Variants in CSMD1 observed in about 807,000 individuals in gnomAD.
CSMD1 encodes CUB and sushi domain-containing protein 1.
Under a neutral mutation model 417.5 loss-of-function variants are expected in CSMD1, and 213 were observed. The ratio of observed to expected loss-of-function variants is 0.51; its 90% CI spans 0.46 to 0.57. The LOEUF is 0.57. CSMD1 is among the 20% of genes least tolerant of loss of function. The pLI, the probability that CSMD1 is intolerant of heterozygous loss-of-function variation, is 0.00. For synonymous variants in CSMD1, 2,862 were observed against 1,736.8 expected, an observed-to-expected ratio of 1.65 and a Z score of -16.11; for missense variants, 6,923 against 4,529.7, an observed-to-expected ratio of 1.53 and a Z score of -15.17.
intron 3 of CSMD1, among the ~76,000 whole-genome samples, chr8:4,350,837 T>C (rs918982133): frequency 6.6e-6 from 1 of 152,190 alleles, no homozygotes; most frequent in African/African-American, 2.4e-5. Flanking sequence ...TCCTTAGCTG[T>C]GGAGACACTA....
At chr8:4,913,233 C>T (rs1456344092) in intron 1 of CSMD1, among the ~76,000 whole-genome samples, 1 of 152,146 alleles carries the variant, frequency 6.6e-6, no homozygotes, top group Non-Finnish European at 1.5e-5. Context: ...TCCCAAACTC[C>T]GTCACGCAAC....
intron 50 of CSMD1, among the ~76,000 whole-genome samples, chr8:3,037,796 C>G (rs1053875612): frequency 6.6e-6 from 1 of 152,128 alleles, no homozygotes; most frequent in Non-Finnish European, 1.5e-5. Context: ...AATTTATGGG[C>G]TCACCTGAGA....
chr8:3,305,046 AATTAATTTATTTACTT>A (rs1169526344), intron 25 of CSMD1, among the ~76,000 whole-genome samples: 10 of 152,276 alleles, frequency 6.6e-5, no homozygotes, highest in Non-Finnish European at 1.3e-4. Context: ...TATTTAATTT[AATTAATTTATTTACTT>A]AAGACTGCAG....
At position 3,435,328 on chromosome 8, in the gene CSMD1, C is replaced by A. The variant is rs1814482886; in HGVS notation, c.1562-25723G>T. On this transcript the variant is annotated intron_variant, in intron 12 of 69. Transcript: ENST00000635120. ...AAAGATGAAGCATGGGGCAGAGGGG[C>A]TGAAACAGATGCCCTGAGTGGTTCT... Among the ~76,000 whole-genome samples, 2 of 152,166 alleles carry A rather than the reference C, an allele frequency of 1.3e-5. 1 individual carries two copies. Among genetic ancestry groups the A allele is most frequent in the South Asian group, 4.1e-4 (2 of 4,830 alleles).
chr8:4,371,615 C>A (rs1018458217), intron 3 of CSMD1, among the ~76,000 whole-genome samples: 7 of 152,132 alleles, frequency 4.6e-5, no homozygotes, highest in African/African-American at 1.7e-4. Flanking sequence ...CATAAAAATT[C>A]ATCTTACTGC....
intron 3 of CSMD1, among the ~76,000 whole-genome samples, chr8:4,143,319 C>T (rs961032046): frequency 1.3e-5 from 2 of 149,374 alleles, no homozygotes; most frequent in Non-Finnish European, 2.9e-5. Context: ...TTTTTATTTC[C>T]AGTTCTTCAA....
chr8:3,646,038 T>G (rs545328433), intron 7 of CSMD1, among the ~76,000 whole-genome samples: 1 of 147,984 alleles, frequency 6.8e-6, no homozygotes, highest in African/African-American at 2.6e-5. Flanking sequence ...AGAAATATTC[T>G]AAATTCCCAA....
Position 4,852,588 on chromosome 8 carries a change from C to T in CSMD1, c.85+141744G>A, listed in dbSNP as rs1015713912. Among the ~76,000 whole-genome samples, 5 of 152,034 alleles carry T rather than the reference C, an allele frequency of 3.3e-5. No individual in the cohort carries two copies. The East Asian group carries it at 7.7e-4, about 24-fold the overall frequency. ...ACAGCCTAATACAGAAAAATGGTAC[C>T]AGGAGTGGGATGTTGCTATAAAGAT... On this transcript the variant is annotated intron_variant, in intron 1 of 69. Transcript: ENST00000635120.
At chr8:4,979,776 G>A (rs775707894) in intron 1 of CSMD1, among the ~76,000 whole-genome samples, 3 of 152,144 alleles carry the variant, frequency 2.0e-5, no homozygotes, top group Admixed American at 6.5e-5. Flanking sequence ...GGTGGCTCAC[G>A]CCTGTAATCC....
At chr8:4,016,177 G>A (rs957466742) in intron 4 of CSMD1, among the ~76,000 whole-genome samples, 9 of 152,104 alleles carry the variant, frequency 5.9e-5, no homozygotes, top group African/African-American at 1.2e-4. Flanking sequence ...CGTTCATAAC[G>A]TAACACTTGC....
At chr8:4,797,020 A>T (rs1480287281) in intron 1 of CSMD1, among the ~76,000 whole-genome samples, 3 of 152,164 alleles carry the variant, frequency 2.0e-5, no homozygotes, top group African/African-American at 4.8e-5. Context: ...TCCATAAAGA[A>T]AGGGAGACTG....
intron 3 of CSMD1, among the ~76,000 whole-genome samples, chr8:4,218,521 G>C (rs968698655): frequency 2.6e-5 from 4 of 152,014 alleles, no homozygotes; most frequent in Non-Finnish European, 4.4e-5. Flanking sequence ...TTGCATTTAT[G>C]CCTCTAAACT....
intron 3 of CSMD1, among the ~76,000 whole-genome samples, chr8:4,333,441 G>A (rs75050590): frequency 6.6e-6 from 1 of 152,186 alleles, no homozygotes; most frequent in African/African-American, 2.4e-5. Flanking sequence ...TGAAAAAGTT[G>A]TCTTCTCTGA....
chr8:4,803,862 G>A (rs1463673411), intron 1 of CSMD1, among the ~76,000 whole-genome samples: 2 of 152,030 alleles, frequency 1.3e-5, no homozygotes, highest in Admixed American at 1.3e-4. Flanking sequence ...CATATTTTTT[G>A]TAAGAATTTA....
rs138565789 is a variant in CSMD1 at position 4,216,578 on chromosome 8, G to C, written c.416-184479C>G. Reference sequence around the variant, plus strand: ...CCTGAGTCTGCTGCCACTGCCAACGGAGCCCTCCAGATGGAAGGTGCTGAG... The same window carrying C: ...CCTGAGTCTGCTGCCACTGCCAACGCAGCCCTCCAGATGGAAGGTGCTGAG... On this transcript the variant is annotated intron_variant, in intron 3 of 69. Transcript: ENST00000635120. Among the ~76,000 whole-genome samples, 7 of 152,262 alleles carry C rather than the reference G, an allele frequency of 4.6e-5. No homozygotes were observed. The South Asian group carries it at 1.5e-3, about 32-fold the overall frequency.
intron 3 of CSMD1, among the ~76,000 whole-genome samples, chr8:4,035,184 G>T (rs947781753): frequency 2.6e-5 from 4 of 151,954 alleles, no homozygotes; most frequent in African/African-American, 9.7e-5. Flanking sequence ...TGTTGTAGCC[G>T]TCATGAGGTC....
At chr8:3,440,166 T>C (rs530722157) in intron 12 of CSMD1, among the ~76,000 whole-genome samples, 50 of 152,330 alleles carry the variant, frequency 3.3e-4, no homozygotes, top group African/African-American at 9.9e-4. Context: ...CATTTTAGAA[T>C]AATCTTGTTC....
At chr8:4,461,203 A>G (rs1225470148) in intron 2 of CSMD1, among the ~76,000 whole-genome samples, 1 of 151,986 alleles carries the variant, frequency 6.6e-6, no homozygotes, top group East Asian at 1.9e-4. Context: ...TTGATGATAA[A>G]AACAATTAAC....
At chr8:3,117,956 T>A (rs896194546) in intron 42 of CSMD1, among the ~76,000 whole-genome samples, 5 of 152,140 alleles carry the variant, frequency 3.3e-5, no homozygotes, top group Non-Finnish European at 5.9e-5. Flanking sequence ...TTTTCTGAAA[T>A]GCAAAATCAA....
Sources: allele counts gnomAD v4.1 joint callset (sites outside exome capture counted in the v4.1 genomes callset), GRCh38; gene constraint gnomAD v4.1.1; transcripts MANE v1.5; gene names NCBI Gene and HGNC (gene_info 2026-07-23, HGNC 2026-07-21).